The following DNAAF11 variants were observed in gnomAD, a reference collection of about 807,000 sequenced individuals.
The protein encoded by DNAAF11 is leucine rich repeat containing 6.
Under a neutral mutation model 60.8 loss-of-function variants are expected in DNAAF11, and 45 were observed. The ratio of observed to expected loss-of-function variants is 0.74; its 90% CI spans 0.58 to 0.95. The LOEUF is 0.95. Ranked by LOEUF, DNAAF11 falls within the 40% of genes least tolerant of loss-of-function variation. The pLI is 0.00. For synonymous variants in DNAAF11, 191 were observed against 183.5 expected, an observed-to-expected ratio of 1.04 and a Z score of -0.33; for missense variants, 546 against 546.2, an observed-to-expected ratio of 1.00 and a Z score of 0.00.
Position 132,589,917 on chromosome 8 carries a change from T to A in DNAAF11, c.1141-6138A>T, listed in dbSNP as rs150295767. The stretch of plus-strand genomic sequence containing the variant: ...GAGTGGAAGATCATGAAAGTTAACA[T>A]GAAGGTTAAGGGGATGGTTTCTTAA... On this transcript the variant is annotated intron_variant, in intron 10 of 11. Coordinates refer to ENST00000620350, the MANE Select transcript of DNAAF11 (RefSeq NM_012472.6). Among the ~76,000 whole-genome samples the A allele has an allele frequency of 1.0e-3, 158 of 152,286 alleles. 1 individual carries two copies. Among genetic ancestry groups the A allele is most frequent in the African/African-American group, 3.7e-3 (153 of 41,574 alleles).
chr8:132,609,832 G>T (rs1818477545), intron 10 of DNAAF11, among the ~76,000 whole-genome samples: 1 of 152,046 alleles, frequency 6.6e-6, no homozygotes, highest in African/African-American at 2.4e-5. Flanking sequence ...TTTTATTTGG[G>T]GTTTCTGCAG....
At chr8:132,616,300 G>A (rs375427509) in intron 7 of DNAAF11, among the ~76,000 whole-genome samples, 3 of 152,198 alleles carry the variant, frequency 2.0e-5, no homozygotes, top group East Asian at 3.9e-4. Flanking sequence ...AAGAAAAGGA[G>A]CGTGTATCCT....
chr8:132,601,151 A>G (rs1355724598), intron 10 of DNAAF11, among the ~76,000 whole-genome samples: 4 of 152,250 alleles, frequency 2.6e-5, no homozygotes, highest in African/African-American at 9.6e-5. Flanking sequence ...GACATTATGC[A>G]GCCAACAGAC....
At position 132,645,767 on chromosome 8, in the gene DNAAF11, C is replaced by T. The variant is rs548853648; in HGVS notation, c.257-7660G>A. Among the ~76,000 whole-genome samples the T allele has an allele frequency of 2.2e-4, 33 of 151,500 alleles. 1 individual carries two copies. The highest frequency in any genetic ancestry group is 6.3e-4 in the African/African-American group (26 of 41,244). ...TGAAGATCAAATGAATGAAATGAAGCGAGAAGAGAAGTTTAGAAAAAAAAG... is the reference window on the plus strand; with the variant it reads ...TGAAGATCAAATGAATGAAATGAAGTGAGAAGAGAAGTTTAGAAAAAAAAG... On this transcript the variant is annotated intron_variant, in intron 3 of 11. Coordinates refer to ENST00000620350, the MANE Select transcript of DNAAF11 (RefSeq NM_012472.6).
intron 3 of DNAAF11, among the ~76,000 whole-genome samples, chr8:132,647,552 C>CA (rs1283625965): frequency 1.3e-5 from 2 of 152,102 alleles, no homozygotes; most frequent in African/African-American, 4.8e-5. Context: ...AAAAACCCTT[C>CA]AAAAAATCAA....
chr8:132,595,507 T>C lies in DNAAF11; in HGVS notation c.1141-11728A>G, dbSNP rs184917958. On this transcript the variant is annotated intron_variant, in intron 10 of 11. Transcript: ENST00000620350. ...ATATTTCAAGTGCCATGGAAAGCCATTGGTAGGTTTCAACACGGGAATAAA... is the reference window on the plus strand; with the variant it reads ...ATATTTCAAGTGCCATGGAAAGCCACTGGTAGGTTTCAACACGGGAATAAA... Among the ~76,000 whole-genome samples, 192 of 152,158 alleles carry C rather than the reference T, an allele frequency of 1.3e-3. 3 individuals are homozygous for C. The South Asian group carries it at 0.032, about 26-fold the overall frequency.
At chr8:132,597,475 C>T (rs1280257837) in intron 10 of DNAAF11, among the ~76,000 whole-genome samples, 1 of 152,140 alleles carries the variant, frequency 6.6e-6, no homozygotes, top group Non-Finnish European at 1.5e-5. Flanking sequence ...GCAGCTAGGG[C>T]CTGACCTTCA....
chr8:132,668,352 A>G (rs965844501), intron 1 of DNAAF11, among the ~76,000 whole-genome samples: 1 of 152,244 alleles, frequency 6.6e-6, no homozygotes, highest in Non-Finnish European at 1.5e-5. Flanking sequence ...CACTGAGAGA[A>G]GAACATAGAA....
At chr8:132,674,018 G>A (rs1825437474) in intron 1 of DNAAF11, among the ~76,000 whole-genome samples, 1 of 151,966 alleles carries the variant, frequency 6.6e-6, no homozygotes, top group Admixed American at 6.6e-5. Context: ...AGGAGAAGGA[G>A]GAGAAGGAGC....
At chr8:132,613,143 T>C (rs1190566780) in intron 8 of DNAAF11, among the ~76,000 whole-genome samples, 1 of 152,104 alleles carries the variant, frequency 6.6e-6, no homozygotes, top group Non-Finnish European at 1.5e-5. Flanking sequence ...GCAGATAACC[T>C]GGCAGCAAGC....
At position 132,622,634 on chromosome 8, in the gene DNAAF11, T is replaced by C. The variant is rs1250039503; in HGVS notation, c.891A>G (p.Lys297=). 5.6e-6 allele frequency: 9 copies of C among 1,613,868 alleles called. No homozygotes were observed. The highest frequency in any genetic ancestry group is 7.6e-6 in the Non-Finnish European group (9 of 1,179,834). Residue 297 remains lysine, a synonymous_variant, in exon 7 of 12, where the codon AAA becomes AAG. Coordinates refer to ENST00000620350, the MANE Select transcript of DNAAF11 (RefSeq NM_012472.6). ...PPRTLITEDG[K]ALNVNEPKID... is the part of the protein sequence containing the mutation. ...ACTTGGGCTCATTCACATTTAGGGC[T>C]TTCCCATCTTCAGTGATCAAAGTCC...
chr8:132,653,880 A>G (rs1216686988), intron 3 of DNAAF11, among the ~76,000 whole-genome samples: 1 of 152,144 alleles, frequency 6.6e-6, no homozygotes, highest in Non-Finnish European at 1.5e-5. Context: ...TAGAAAACAC[A>G]TTGCAGATAA....
At chr8:132,622,716 T>A (rs371247183) in intron 6 of DNAAF11, 28 bp from the exon 7 acceptor site, 4 of 1,438,796 alleles carry the variant, frequency 2.8e-6, no homozygotes, top group Non-Finnish European at 2.9e-6. Flanking sequence ...ATGAGAACAA[T>A]GGGCAGCATG....
intron 1 of DNAAF11, among the ~76,000 whole-genome samples, chr8:132,667,966 A>G (rs1824798186): frequency 6.6e-6 from 1 of 152,198 alleles, no homozygotes; most frequent in Non-Finnish European, 1.5e-5. Flanking sequence ...TCATTCCTTC[A>G]GGCTTTACAT....
intron 11 of DNAAF11, among the ~76,000 whole-genome samples, chr8:132,577,036 A>G (rs913705685): frequency 2.2e-4 from 33 of 152,226 alleles, no homozygotes; most frequent in Admixed American, 2.2e-3. Flanking sequence ...CCCAAATCAT[A>G]AGAGTGAAAC....
the DNAAF11 span, among the ~76,000 whole-genome samples, chr8:132,694,363 G>A: frequency 6.6e-6 from 1 of 152,096 alleles, no homozygotes; most frequent in African/African-American, 2.4e-5. Flanking sequence ...TCATAAGAAG[G>A]GGAAAAATTG....
intron 2 of DNAAF11, among the ~76,000 whole-genome samples, chr8:132,658,378 A>G (rs1163783237): frequency 1.3e-5 from 2 of 152,036 alleles, no homozygotes; most frequent in Non-Finnish European, 2.9e-5. Flanking sequence ...GCTGGAGTGC[A>G]GTGGCCCAAT....
chr8:132,701,425 G>A, the DNAAF11 span, among the ~76,000 whole-genome samples: 3 of 152,262 alleles, frequency 2.0e-5, no homozygotes, highest in African/African-American at 7.2e-5. Flanking sequence ...CCAGTGTGCT[G>A]AGCACTGTGC....
rs536097515 is a variant in DNAAF11 at position 132,617,461 on chromosome 8, T to A, written c.915-2364A>T. Among the ~76,000 whole-genome samples the A allele has an allele frequency of 3.1e-3, 474 of 152,324 alleles. 2 individuals are homozygous for A. Among genetic ancestry groups the A allele is most frequent in the African/African-American group, 0.011 (463 of 41,568 alleles). On this transcript the variant is annotated intron_variant, in intron 7 of 11. Coordinates refer to ENST00000620350, the MANE Select transcript of DNAAF11 (RefSeq NM_012472.6). ...TGGCTCTCTGTCTGTTGTTGGTGTA[T>A]AAGAATGCTTGTGATTTTTGTACAT...
Sources: allele counts gnomAD v4.1 joint callset (sites outside exome capture counted in the v4.1 genomes callset), GRCh38; gene constraint gnomAD v4.1.1; transcripts MANE v1.5; gene names NCBI Gene and HGNC (gene_info 2026-07-23, HGNC 2026-07-21).